NBEA: variants seen among roughly 807,000 people sequenced by gnomAD.
NBEA encodes lysosomal-trafficking regulator 2.
NBEA carries 44 observed loss-of-function variants against 343.4 expected under a neutral mutation model. The observed-to-expected ratio is 0.13, with a 90% CI of 0.10 to 0.16. The LOEUF (loss-of-function observed/expected upper bound fraction) is 0.16. Among genes scored for constraint, NBEA ranks in the 10% least tolerant of loss-of-function variants. The probability of loss-of-function intolerance (pLI) is 1.00; values close to 1 mark genes in which losing one functional copy is unlikely to be tolerated. For synonymous variants in NBEA, 1,175 were observed against 1,238.7 expected (o/e 0.95, Z 1.08); for missense variants, 2,555 against 3,631.3 (o/e 0.70, Z 7.62).
At chr13:35,257,651 A>AT (rs2032768048) in intron 34 of NBEA, among the ~76,000 whole-genome samples, 1 of 151,176 alleles carries the variant, frequency 6.6e-6, no homozygotes, top group Admixed American at 6.6e-5. Flanking sequence ...TGAAAAAAAT[A>AT]TTTTGGAAAA....
At chr13:35,604,399 G>A (rs1405551735) in intron 47 of NBEA, among the ~76,000 whole-genome samples, 1 of 152,032 alleles carries the variant, frequency 6.6e-6, no homozygotes, top group Non-Finnish European at 1.5e-5. Flanking sequence ...TTGGCCCCTA[G>A]TGTGAGCCAT....
chr13:35,292,533 T>C (rs2035867841), intron 35 of NBEA, among the ~76,000 whole-genome samples: 1 of 151,988 alleles, frequency 6.6e-6, no homozygotes, highest in Non-Finnish European at 1.5e-5. Context: ...GTAGGCCGTC[T>C]TTGTGCCAAG....
chr13:35,138,008 T>C (rs1024217705), intron 17 of NBEA, among the ~76,000 whole-genome samples: 3 of 152,088 alleles, frequency 2.0e-5, no homozygotes, highest in African/African-American at 7.2e-5. Context: ...ATTTTCCTGA[T>C]ATTATTAGGA....
At chr13:35,133,769 T>TA (rs1423275052) in intron 17 of NBEA, among the ~76,000 whole-genome samples, 2 of 152,028 alleles carry the variant, frequency 1.3e-5, no homozygotes, top group East Asian at 3.8e-4. Flanking sequence ...TATGAATAGA[T>TA]ATTCATCTAA....
chr13:35,637,243 G>A (rs1263403328), intron 49 of NBEA, among the ~76,000 whole-genome samples: 1 of 152,090 alleles, frequency 6.6e-6, no homozygotes, highest in Non-Finnish European at 1.5e-5. Context: ...GCTGCAGTGA[G>A]ATACCACCTC....
chr13:35,115,043 A>G (rs536709235), intron 13 of NBEA, among the ~76,000 whole-genome samples: 6 of 152,180 alleles, frequency 3.9e-5, no homozygotes, highest in East Asian at 1.9e-4. Context: ...AATTATTATT[A>G]TATATAGTTA....
chr13:35,234,045 T>C (rs9600364), intron 34 of NBEA, among the ~76,000 whole-genome samples: 15,665 of 152,082 alleles, frequency 0.1, 894 homozygotes, highest in African/African-American at 0.15. Flanking sequence ...GGCCCTAAAA[T>C]GATAGAAAGA....
chr13:35,324,359 G>A (rs2038392754), intron 36 of NBEA, among the ~76,000 whole-genome samples: 2 of 152,142 alleles, frequency 1.3e-5, no homozygotes, highest in South Asian at 4.1e-4. Flanking sequence ...ACACGTAACT[G>A]ATTTATATTC....
In NBEA at chr13:35,159,255, C is replaced by T. The variant is rs2069388876; in HGVS notation, c.3084C>T (p.Leu1028=). 1 of 1,613,584 alleles carries T rather than the reference C, an allele frequency of 6.2e-7. No individual in the cohort carries two copies. Among genetic ancestry groups the T allele is most frequent in the South Asian group, 1.1e-5 (1 of 91,068 alleles). ...TCAGCACAGATACTCGAGACTTACT[C>T]ATGTCAACAAAAGTGTCAGATGATA... The part of the protein sequence containing the change: ...YPVSTDTRDL[L]MSTKVSDDIL... Residue 1028 remains leucine, a synonymous_variant, in exon 22 of 59, where the codon CTC becomes CTT. Coordinates refer to ENST00000379939, the MANE Select transcript of NBEA (RefSeq NM_001385012.1).
intron 33 of NBEA, among the ~76,000 whole-genome samples, chr13:35,228,406 G>T (rs1466159703): frequency 3.3e-5 from 5 of 151,248 alleles, no homozygotes; most frequent in African/African-American, 7.3e-5. Flanking sequence ...AAATTTAAGG[G>T]ATACAAGTGC....
chr13:35,573,652 A>T (rs2153031294), intron 45 of NBEA, among the ~76,000 whole-genome samples: 1 of 152,080 alleles, frequency 6.6e-6, no homozygotes, highest in East Asian at 1.9e-4. Flanking sequence ...CAGCTGAATC[A>T]CCCTTTCAGA....
chr13:35,649,558 G>A, intron 51 of NBEA, 97 bp from the exon 52 acceptor site: 1 of 1,014,184 alleles, frequency 9.9e-7, no homozygotes, highest in Non-Finnish European at 1.5e-6. Context: ...GTGTGCTCGT[G>A]CTAGCCTTGT....
At chr13:34,956,242 G>A (rs1450960458) in intron 1 of NBEA, among the ~76,000 whole-genome samples, 7 of 152,076 alleles carry the variant, frequency 4.6e-5, no homozygotes, top group Admixed American at 3.3e-4. Context: ...TGGCATTTAC[G>A]TTTATTTTCA....
chr13:34,954,906 G>A (rs1275336298), intron 1 of NBEA, among the ~76,000 whole-genome samples: 1 of 152,158 alleles, frequency 6.6e-6, no homozygotes, highest in Non-Finnish European at 1.5e-5. Flanking sequence ...ATCTATGGAT[G>A]TAGAACTCAT....
At chr13:35,441,316 C>G (rs187696712) in intron 39 of NBEA, among the ~76,000 whole-genome samples, 6 of 152,112 alleles carry the variant, frequency 3.9e-5, no homozygotes, top group African/African-American at 1.2e-4. Flanking sequence ...ATGATTTTCT[C>G]CCTCACATTT....
chr13:35,331,114 C>A (rs1442233259), intron 36 of NBEA, among the ~76,000 whole-genome samples: 2 of 151,964 alleles, frequency 1.3e-5, no homozygotes, highest in Non-Finnish European at 1.5e-5. Flanking sequence ...TTTCTCTCTT[C>A]TAAGGAGCAT....
intron 6 of NBEA, among the ~76,000 whole-genome samples, chr13:35,050,975 A>T (rs2063046407): frequency 6.6e-6 from 1 of 152,020 alleles, no homozygotes; most frequent in African/African-American, 2.4e-5. Flanking sequence ...CATTTTAAAA[A>T]CTGCTCTAAA....
At chr13:35,132,581 C>G (rs2067487978) in intron 17 of NBEA, among the ~76,000 whole-genome samples, 1 of 152,140 alleles carries the variant, frequency 6.6e-6, no homozygotes, top group African/African-American at 2.4e-5. Context: ...TAAAAGGGAA[C>G]AAACTACTGA....
At chr13:35,020,690 T>C (rs553874509) in intron 1 of NBEA, among the ~76,000 whole-genome samples, 1 of 152,218 alleles carries the variant, frequency 6.6e-6, no homozygotes, top group South Asian at 2.1e-4. Context: ...GCTAATTTTC[T>C]TGTATTTTTA....
Sources: allele counts gnomAD v4.1 joint callset (sites outside exome capture counted in the v4.1 genomes callset), GRCh38; gene constraint gnomAD v4.1.1; transcripts MANE v1.5; gene names NCBI Gene and HGNC (gene_info 2026-07-23, HGNC 2026-07-21).